The following MARCHF1 variants were observed in gnomAD, a reference collection of about 807,000 sequenced individuals.
MARCHF1 encodes membrane associated ring-CH-type finger 1, also known as E3 ubiquitin-protein ligase MARCHF1.
A neutral mutation model predicts 54.2 loss-of-function variants in MARCHF1; 40 were observed. That is an observed-to-expected ratio of 0.74 (90% CI 0.57 to 0.96). The LOEUF (loss-of-function observed/expected upper bound fraction) is 0.96, where lower values mean the gene tolerates loss of function less well. MARCHF1 is among the 40% of genes least tolerant of loss of function. The pLI is 0.00. For missense variants in MARCHF1, 586 were observed against 656.5 expected, an observed-to-expected ratio of 0.89 and a Z score of 1.17; for synonymous variants, 236 against 236.3, an observed-to-expected ratio of 1.00 and a Z score of 0.01.
chr4:164,323,948 A>G (rs2110773108), intron 1 of MARCHF1, among the ~76,000 whole-genome samples: 1 of 152,034 alleles, frequency 6.6e-6, no homozygotes, highest in African/African-American at 2.4e-5. Flanking sequence ...TGTAAAAGCT[A>G]AAAGGACATG....
At chr4:163,688,487 C>CTT (rs1744340481) in intron 5 of MARCHF1, among the ~76,000 whole-genome samples, 2 of 152,146 alleles carry the variant, frequency 1.3e-5, no homozygotes, top group East Asian at 3.9e-4. Context: ...CTAAATGTGG[C>CTT]TTATTGTCAT....
intron 7 of MARCHF1, among the ~76,000 whole-genome samples, chr4:163,605,062 C>A (rs1403238123): frequency 3.3e-5 from 5 of 151,844 alleles, no homozygotes; most frequent in African/African-American, 7.3e-5. Flanking sequence ...AGAACAAATT[C>A]AAAAATAAAT....
chr4:163,961,973 C>T (rs1309449408), intron 3 of MARCHF1, among the ~76,000 whole-genome samples: 1 of 151,772 alleles, frequency 6.6e-6, no homozygotes, highest in Admixed American at 6.6e-5. Flanking sequence ...ACAAAGTGGA[C>T]AATTTTAACA....
At chr4:163,800,896 C>T (rs1219063667) in intron 4 of MARCHF1, among the ~76,000 whole-genome samples, 1 of 152,074 alleles carries the variant, frequency 6.6e-6, no homozygotes, top group Non-Finnish European at 1.5e-5. Context: ...CCAACTCTTA[C>T]ATCAGCGAAT....
chr4:163,546,705 G>C (rs1738920800), intron 8 of MARCHF1, among the ~76,000 whole-genome samples: 1 of 152,174 alleles, frequency 6.6e-6, no homozygotes, highest in Admixed American at 6.5e-5. Context: ...CGTAAGGGTT[G>C]TAACTACTGT....
At position 164,046,200 on chromosome 4, in the gene MARCHF1, G is replaced by T. The variant is rs188447275; in HGVS notation, c.-247-57491C>A. Among the ~76,000 whole-genome samples the T allele has an allele frequency of 2.6e-5, 4 of 152,338 alleles. No homozygotes were observed. The East Asian group carries it at 7.7e-4, about 29-fold the overall frequency. On this transcript the variant is annotated intron_variant, in intron 2 of 9. Coordinates refer to ENST00000514618, the MANE Select transcript of MARCHF1 (RefSeq NM_001394959.1). ...TGTTTGGTAATGGGCCTTTGCCCAAGAGGGACACATTATCTTTACCTACTG... is the reference window on the plus strand; with the variant it reads ...TGTTTGGTAATGGGCCTTTGCCCAATAGGGACACATTATCTTTACCTACTG...
At position 163,650,858 on chromosome 4, in the gene MARCHF1, T is replaced by G. The variant is rs373262785; in HGVS notation, c.163-37465A>C. 5.3e-5 allele frequency among the ~76,000 whole-genome samples: 8 copies of G among 152,058 alleles called. No individual in the cohort carries two copies. In the East Asian group the frequency reaches 1.2e-3, roughly 22 times the overall value. ...TCAGAGTCTGAAACAACTGGATATGTTGTCGTCGTAGAAAGAAGCACTATG... is the reference window on the plus strand; with the variant it reads ...TCAGAGTCTGAAACAACTGGATATGGTGTCGTCGTAGAAAGAAGCACTATG... On this transcript the variant is annotated intron_variant, in intron 5 of 9. Coordinates refer to ENST00000514618, the MANE Select transcript of MARCHF1 (RefSeq NM_001394959.1).
intron 1 of MARCHF1, among the ~76,000 whole-genome samples, chr4:164,316,821 A>C (rs1052865505): frequency 2.0e-5 from 3 of 152,082 alleles, no homozygotes; most frequent in African/African-American, 7.2e-5. Context: ...GTGAGTTCTC[A>C]CATGATCTGG....
intron 3 of MARCHF1, among the ~76,000 whole-genome samples, chr4:163,948,977 G>T (rs4449375): frequency 0.12 from 18,121 of 152,254 alleles, 1,264 homozygotes; most frequent in Middle Eastern, 0.21. Context: ...TACTGTCACA[G>T]GATCCTTTGG....
intron 2 of MARCHF1, among the ~76,000 whole-genome samples, chr4:164,093,249 TAAAACACAGGA>T (rs1755341733): frequency 6.6e-6 from 1 of 152,136 alleles, no homozygotes; most frequent in Non-Finnish European, 1.5e-5. Flanking sequence ...GGACTATAAC[TAAAACACAGGA>T]GGAATTACCA....
chr4:163,915,863 G>C (rs1400455805), intron 3 of MARCHF1, among the ~76,000 whole-genome samples: 3 of 152,170 alleles, frequency 2.0e-5, no homozygotes, highest in African/African-American at 7.2e-5. Context: ...AGACCTCACT[G>C]TTTCCTAGTA....
intron 4 of MARCHF1, among the ~76,000 whole-genome samples, chr4:163,831,455 A>G (rs1398110412): frequency 6.6e-6 from 1 of 151,900 alleles, no homozygotes. Flanking sequence ...TCTGTGCACG[A>G]TGGTATGTGC....
chr4:164,265,027 G>C (rs1278594659), intron 1 of MARCHF1, among the ~76,000 whole-genome samples: 35 of 150,720 alleles, frequency 2.3e-4, no homozygotes, highest in Admixed American at 2.3e-3. Flanking sequence ...ATTCCTAATT[G>C]TAATAGCTTT....
intron 1 of MARCHF1, among the ~76,000 whole-genome samples, chr4:164,128,742 T>A (rs553803984): frequency 1.2e-4 from 18 of 152,310 alleles, no homozygotes; most frequent in African/African-American, 4.3e-4. Flanking sequence ...ATGCTGAAGA[T>A]GTCCTTCTGC....
intron 2 of MARCHF1, among the ~76,000 whole-genome samples, chr4:164,017,765 T>G (rs919541323): frequency 1.3e-5 from 2 of 150,706 alleles, no homozygotes; most frequent in Non-Finnish European, 3.0e-5. Flanking sequence ...AGCAAAGTCT[T>G]AGTACCCTTT....
At chr4:163,771,263 T>C (rs1747152474) in intron 4 of MARCHF1, among the ~76,000 whole-genome samples, 1 of 152,210 alleles carries the variant, frequency 6.6e-6, no homozygotes, top group Non-Finnish European at 1.5e-5. Context: ...GTCTACGATG[T>C]ACGGGACACA....
chr4:164,350,903 C>T (rs974627461), intron 1 of MARCHF1, among the ~76,000 whole-genome samples: 8 of 152,114 alleles, frequency 5.3e-5, no homozygotes, highest in Admixed American at 3.3e-4. Flanking sequence ...CGAGTGGGTG[C>T]GTGCACCGGG....
chr4:164,051,628 G>A (rs1405354030), intron 2 of MARCHF1, among the ~76,000 whole-genome samples: 2 of 152,112 alleles, frequency 1.3e-5, no homozygotes, highest in Non-Finnish European at 1.5e-5. Context: ...ACTATAAGAG[G>A]TGTCTACAAC....
At chr4:163,736,852 A>G (rs1357622276) in intron 4 of MARCHF1, among the ~76,000 whole-genome samples, 1 of 151,780 alleles carries the variant, frequency 6.6e-6, no homozygotes, top group Non-Finnish European at 1.5e-5. Flanking sequence ...CATTAAAAAT[A>G]AAGTCTTGCA....
Sources: allele counts gnomAD v4.1 joint callset (sites outside exome capture counted in the v4.1 genomes callset), GRCh38; gene constraint gnomAD v4.1.1; transcripts MANE v1.5; gene names NCBI Gene and HGNC (gene_info 2026-07-23, HGNC 2026-07-21).